The following PLXDC2 variants were observed in gnomAD, a reference collection of about 807,000 sequenced individuals.
The protein encoded by PLXDC2 is plexin domain-containing protein 2.
In PLXDC2, 40 loss-of-function variants were observed where a neutral mutation model predicts 68.9. The ratio of observed to expected loss-of-function variants is 0.58; its 90% CI spans 0.45 to 0.76. PLXDC2 has a LOEUF of 0.76. PLXDC2 is among the 30% of genes least tolerant of loss of function. The pLI is 0.00. For missense variants in PLXDC2, 644 were observed against 661.9 expected (o/e 0.97, Z 0.30); for synonymous variants, 243 against 234.2 (o/e 1.04, Z -0.34).
chr10:20,019,853 T>C (rs1835275087), intron 2 of PLXDC2, among the ~76,000 whole-genome samples: 2 of 152,152 alleles, frequency 1.3e-5, no homozygotes, highest in Non-Finnish European at 2.9e-5. Flanking sequence ...ACAGGCATAT[T>C]AAGACTATAT....
chr10:19,949,762 T>C (rs950570085), intron 1 of PLXDC2, among the ~76,000 whole-genome samples: 48 of 152,192 alleles, frequency 3.2e-4, no homozygotes, highest in Non-Finnish European at 6.3e-4. Flanking sequence ...CTTGCTCCAG[T>C]TACATGATAC....
chr10:19,884,584 A>C (rs1006045188), intron 1 of PLXDC2, among the ~76,000 whole-genome samples: 1 of 144,134 alleles, frequency 6.9e-6, no homozygotes, highest in African/African-American at 2.6e-5. Context: ...ATTCCCACCT[A>C]TGAGTGAGAA....
intron 2 of PLXDC2, among the ~76,000 whole-genome samples, chr10:20,010,095 C>G (rs1409561131): frequency 2.0e-5 from 3 of 152,068 alleles, no homozygotes; most frequent in African/African-American, 7.2e-5. Flanking sequence ...ACTTCTGTTC[C>G]TTGCTTGATT....
intron 9 of PLXDC2, among the ~76,000 whole-genome samples, chr10:20,188,951 G>C (rs1314728801): frequency 6.6e-6 from 1 of 151,510 alleles, no homozygotes; most frequent in Admixed American, 6.6e-5. Context: ...AGCTTACAAT[G>C]CTATAAGAGA....
At chr10:20,137,092 G>A (rs1019874308) in intron 4 of PLXDC2, among the ~76,000 whole-genome samples, 3 of 152,084 alleles carry the variant, frequency 2.0e-5, no homozygotes, top group Non-Finnish European at 4.4e-5. Flanking sequence ...ACAAGAATAA[G>A]GCAGATAGAT....
intron 2 of PLXDC2, among the ~76,000 whole-genome samples, chr10:20,032,781 G>A (rs538228157): frequency 7.9e-5 from 12 of 151,850 alleles, no homozygotes; most frequent in South Asian, 4.2e-4. Flanking sequence ...TTTTAAAGTG[G>A]CATCTAATTC....
At chr10:20,217,012 G>C (rs1201318609) in intron 10 of PLXDC2, among the ~76,000 whole-genome samples, 1 of 152,194 alleles carries the variant, frequency 6.6e-6, no homozygotes, top group Non-Finnish European at 1.5e-5. Flanking sequence ...TTGTCAGTTT[G>C]ATACGAAAGG....
intron 1 of PLXDC2, among the ~76,000 whole-genome samples, chr10:19,938,933 C>T (rs564099430): frequency 6.6e-6 from 1 of 152,120 alleles, no homozygotes; most frequent in South Asian, 2.1e-4. Flanking sequence ...ATGTTCCTAA[C>T]TGAAGAACTG....
At chr10:20,082,041 A>G (rs950187954) in intron 4 of PLXDC2, among the ~76,000 whole-genome samples, 2 of 122,436 alleles carry the variant, frequency 1.6e-5, no homozygotes, top group Non-Finnish European at 3.2e-5. Flanking sequence ...GTGAAACTCC[A>G]TCTGAAAAAA....
chr10:20,022,391 G>A (rs746449109), intron 2 of PLXDC2, among the ~76,000 whole-genome samples: 6 of 152,168 alleles, frequency 3.9e-5, no homozygotes, highest in Non-Finnish European at 8.8e-5. Context: ...CAGAGACATG[G>A]GGTGTTAGTG....
intron 1 of PLXDC2, among the ~76,000 whole-genome samples, chr10:19,960,672 A>T (rs1409025470): frequency 6.6e-6 from 1 of 152,190 alleles, no homozygotes; most frequent in Admixed American, 6.5e-5. Flanking sequence ...ACATATTAAA[A>T]TATCTTTCCA....
chr10:20,054,611 C>A (rs533161459), intron 3 of PLXDC2, among the ~76,000 whole-genome samples: 194 of 152,098 alleles, frequency 1.3e-3, no homozygotes, highest in African/African-American at 4.4e-3. Flanking sequence ...GGACAAAAAA[C>A]CAAACACCGC....
intron 1 of PLXDC2, among the ~76,000 whole-genome samples, chr10:19,927,183 G>T (rs1246104950): frequency 2.0e-5 from 3 of 151,994 alleles, no homozygotes; most frequent in Admixed American, 2.0e-4. Context: ...AAAAAGATTG[G>T]GCAGAAAAAT....
intron 9 of PLXDC2, among the ~76,000 whole-genome samples, chr10:20,185,759 G>T (rs969361060): frequency 6.6e-6 from 1 of 151,916 alleles, no homozygotes; most frequent in African/African-American, 2.4e-5. Flanking sequence ...TCACTTTAGT[G>T]ATTAGTTGTG....
At chr10:19,840,047 A>C (rs759079860) in intron 1 of PLXDC2, among the ~76,000 whole-genome samples, 1 of 152,146 alleles carries the variant, frequency 6.6e-6, no homozygotes, top group Non-Finnish European at 1.5e-5. Context: ...CTGGAACCCA[A>C]AGGGTTTGTT....
rs907790630 is a variant in PLXDC2, at chr10:20,281,242, T to A, written c.*1423T>A. 2 of 152,110 alleles carry A rather than the reference T, an allele frequency of 1.3e-5. No individual in the cohort carries two copies. The highest frequency in any genetic ancestry group is 1.9e-4 in the East Asian group (1 of 5,196). The allele number at this position is 152,110 out of a possible 1,614,324, so 9.4% of individuals were successfully genotyped here. ...GGAATCACAATCCTGATTTTGAAAA[T>A]TCCTCATGAATGAAGAAAGGAATGG... On this transcript the variant is annotated 3_prime_UTR_variant, in exon 14 of 14. Coordinates refer to ENST00000377252, the MANE Select transcript of PLXDC2 (RefSeq NM_032812.9).
rs1223136499 is a variant in PLXDC2 at position 20,001,896 on chromosome 10, C to T, written c.234C>T (p.Asn78=). Reference sequence around the variant, plus strand: ...ACTTTCTCAAGGCGGTAGACACGAACCGAGCAAGCGTCGGCCAAGACTCTC... The same window carrying T: ...ACTTTCTCAAGGCGGTAGACACGAATCGAGCAAGCGTCGGCCAAGACTCTC... ...NLDFLKAVDT[N]RASVGQDSPE... is the part of the protein sequence containing the mutation. The change falls in exon 2 of 14, where the codon AAC becomes AAT. Residue 78 remains asparagine, a synonymous_variant. Transcript: ENST00000377252. 1 of 1,613,820 alleles carries T rather than the reference C, an allele frequency of 6.2e-7. No homozygotes were observed. The highest frequency in any genetic ancestry group is 1.3e-5 in the African/African-American group (1 of 75,024).
chr10:19,975,520 T>C (rs1056444008), intron 1 of PLXDC2, among the ~76,000 whole-genome samples: 1 of 151,950 alleles, frequency 6.6e-6, no homozygotes, highest in Non-Finnish European at 1.5e-5. Flanking sequence ...AGATTTTAGT[T>C]CTTTAAATTT....
At chr10:20,130,930 G>C (rs538347583) in intron 4 of PLXDC2, among the ~76,000 whole-genome samples, 1 of 152,156 alleles carries the variant, frequency 6.6e-6, no homozygotes, top group East Asian at 1.9e-4. Context: ...ATATTGACCT[G>C]TAGTTTTCTT....
Sources: gnomAD v4.1 joint callset for allele counts (sites outside exome capture counted in the v4.1 genomes callset) on GRCh38, gnomAD v4.1.1 for gene constraint, MANE v1.5 for transcripts, NCBI Gene and HGNC (gene_info 2026-07-23, HGNC 2026-07-21) for gene names.